Variants in CCDC196 observed in about 807,000 individuals in gnomAD.
The protein encoded by CCDC196 is coiled-coil domain-containing protein 196.
chr14:66,497,033 G>A (rs2057683079), intron 8 of CCDC196, among the ~76,000 whole-genome samples: 2 of 152,120 alleles, frequency 1.3e-5, no homozygotes, highest in Admixed American at 1.3e-4. Flanking sequence ...CCTGATGGCT[G>A]AACTACACTT....
At chr14:66,491,889 G>A (rs113458528) in intron 7 of CCDC196, among the ~76,000 whole-genome samples, 164 bp from the exon 8 acceptor site, 74 of 152,164 alleles carry the variant, frequency 4.9e-4, no homozygotes, top group African/African-American at 1.5e-3. Context: ...TCTTGATTTC[G>A]TTCTATTCTA....
In CCDC196 at chr14:66,498,030, C is replaced by T. The variant is rs575723824; in HGVS notation, c.716-79C>T. 1.4e-4 allele frequency: 56 copies of T among 398,824 alleles called. No individual in the cohort carries two copies. The East Asian group carries it at 1.9e-3, about 14-fold the overall frequency. 24.7% of individuals were successfully genotyped at this position (398,824 alleles called of 1,614,324 possible). On this transcript the variant is annotated intron_variant, in intron 8 of 9. Coordinates refer to ENST00000636229, the MANE Select transcript of CCDC196 (RefSeq NM_001351576.1). ...ATCAATGCTAATACCCACAGTGATA[C>T]AAAACAAAACAAAACTAGTGGTTTT... is the stretch of plus-strand genomic sequence containing the variant.
chr14:66,496,803 C>T (rs889341931), intron 8 of CCDC196: 1 of 160,088 alleles, frequency 6.2e-6, no homozygotes, highest in African/African-American at 2.4e-5. Context: ...TTCTCTCCTC[C>T]CCTCAATCCC....
At chr14:66,497,336 G>A (rs868568131) in intron 8 of CCDC196, among the ~76,000 whole-genome samples, 1 of 152,084 alleles carries the variant, frequency 6.6e-6, no homozygotes. Flanking sequence ...TATAAATTTT[G>A]AAGCTTGACA....
chr14:66,493,750 C>A (rs1241823675), intron 8 of CCDC196: 1 of 152,108 alleles, frequency 6.6e-6, no homozygotes, highest in African/African-American at 2.4e-5. Flanking sequence ...GCATATTTTT[C>A]TTTCAATTTA....
rs578102215 is a variant in CCDC196, at chr14:66,491,676, C to T, written c.564C>T (p.Asn188=). 2.4e-6 allele frequency: 1 copy of T among 413,888 alleles called. No homozygotes were observed. Among genetic ancestry groups the T allele is most frequent in the Admixed American group, 4.4e-5 (1 of 22,738 alleles). The allele number at this position is 413,888 out of a possible 1,614,324, so 25.6% of individuals were successfully genotyped here. A position where few individuals can be genotyped will look rare whatever the true frequency, so the allele number is the denominator to read the frequency against. The part of the protein sequence containing the change: ...MEWVKYQEQN[N]ILQNDFHGKV... Reference sequence around the variant, plus strand: ...GGGTCAAGTATCAGGAACAAAATAACATCCTTCAGGTACTAAGATCTTCCA... The same window carrying T: ...GGGTCAAGTATCAGGAACAAAATAATATCCTTCAGGTACTAAGATCTTCCA... Residue 188 remains asparagine (N), a synonymous_variant, in exon 7 of 10, where the codon AAC becomes AAT. Transcript: ENST00000636229.
At position 66,493,103 on chromosome 14, in the gene CCDC196, A is replaced by G. The variant is rs192380679; in HGVS notation, c.715+909A>G. The stretch of plus-strand genomic sequence containing the variant: ...TTTCAAAAAGGACACGAGATGGGAA[A>G]TCATGGCCAAGGGATGACAATGTTC... On this transcript the variant is annotated intron_variant, in intron 8 of 9. Transcript: ENST00000636229. Among the ~76,000 whole-genome samples, 29 of 152,300 alleles carry G rather than the reference A, an allele frequency of 1.9e-4. No homozygotes were observed. The East Asian group carries it at 5.4e-3, about 28-fold the overall frequency.
At chr14:66,496,445 T>A (rs562075127) in intron 8 of CCDC196, 40 of 449,036 alleles carry the variant, frequency 8.9e-5, no homozygotes, top group Middle Eastern at 3.4e-4. Context: ...ATTACCGTCA[T>A]CCATGTTATC....
intron 8 of CCDC196, chr14:66,492,914 T>C (rs1361118480): frequency 6.6e-6 from 1 of 152,648 alleles, no homozygotes; most frequent in East Asian, 1.9e-4. Context: ...GTGAATTTTG[T>C]CAATCCAGTT....
chr14:66,489,718 A>T (rs571160288), intron 4 of CCDC196, among the ~76,000 whole-genome samples: 4 of 152,310 alleles, frequency 2.6e-5, no homozygotes, highest in African/African-American at 9.6e-5. Context: ...CATAGTAGAG[A>T]ATCAATACAT....
In CCDC196 at chr14:66,491,030, TC is replaced by T; in HGVS notation, c.444del (p.Ser149HisfsTer18). 2.4e-6 allele frequency: 1 copy of T among 413,258 alleles called. No individual in the cohort carries two copies. The highest frequency in any genetic ancestry group is 4.4e-6 in the Non-Finnish European group (1 of 226,154). 25.6% of individuals were successfully genotyped at this position (413,258 alleles called of 1,614,324 possible). On this transcript the variant is annotated frameshift_variant, in exon 6 of 10. Coordinates refer to ENST00000636229, the MANE Select transcript of CCDC196 (RefSeq NM_001351576.1). LOFTEE classifies it high-confidence loss of function. ...TCTTCTTTCATCCCAGGCTCCCAAA[TC>T]CCCCTCATCACCTAGGAAGACTGAG... ...ADLQDGKAPK[S>X]PSSPRKTESE...
chr14:66,490,669 G>T, intron 4 of CCDC196, 73 bp from the exon 5 acceptor site: 1 of 398,266 alleles, frequency 2.5e-6, no homozygotes, highest in South Asian at 1.3e-4. Context: ...CCAAAACCTT[G>T]ACCCATATTG....
intron 9 of CCDC196, 64 bp downstream of exon 9, chr14:66,498,231 T>C (rs1232957255): frequency 2.4e-6 from 1 of 412,832 alleles, no homozygotes. Flanking sequence ...ATAGTGGGTA[T>C]AGATTTTTGG....
At chr14:66,498,081 C>T in intron 8 of CCDC196, 28 bp from the exon 9 acceptor site, 1 of 407,000 alleles carries the variant, frequency 2.5e-6, no homozygotes. Flanking sequence ...TCAAAAGAAG[C>T]TCTTATTTTC....
intron 1 of CCDC196, 38 bp downstream of exon 1, chr14:66,486,590 GTCTCTCTCTC>G (rs10569333): frequency 6.3e-6 from 2 of 315,634 alleles, no homozygotes; most frequent in East Asian, 5.6e-5. Flanking sequence ...AGAAAAGAGG[GTCTCTCTCTC>G]TCTCTCTCTC....
Position 66,488,991 on chromosome 14 carries a change from G to A in CCDC196, c.305G>A (p.Arg102Lys). 1 of 413,216 alleles carries A rather than the reference G, an allele frequency of 2.4e-6. No homozygotes were observed. The highest frequency in any genetic ancestry group is 4.4e-5 in the Admixed American group (1 of 22,706). The allele number at this position is 413,216 out of a possible 1,614,324, so 25.6% of individuals were successfully genotyped here. Residue 102 changes from arginine (R) to lysine (K), a missense_variant, in exon 4 of 10, where the codon AGG becomes AAG. By Grantham distance (26) the Arg-to-Lys change is conservative. Coordinates refer to ENST00000636229, the MANE Select transcript of CCDC196 (RefSeq NM_001351576.1). Reference sequence around the variant, plus strand: ...TGGTTCTTCCCCCTCCAACAGGAAAGGAAAAACAAGATGCTTCGGAAGGAA... The same window carrying A: ...TGGTTCTTCCCCCTCCAACAGGAAAAGAAAAACAAGATGCTTCGGAAGGAA... ...EAEEMKQNLERKNKMLRKEME... is the reference protein window; with the variant it reads ...EAEEMKQNLEKKNKMLRKEME...
chr14:66,489,116 C>T (rs770306777), intron 4 of CCDC196, 79 bp downstream of exon 4: 41 of 412,358 alleles, frequency 9.9e-5, no homozygotes, highest in Non-Finnish European at 1.6e-4. Flanking sequence ...TGGCCCCCAT[C>T]CTCATTGTTT....
intron 8 of CCDC196, among the ~76,000 whole-genome samples, chr14:66,493,397 A>G (rs1305310770): frequency 6.6e-6 from 1 of 152,208 alleles, no homozygotes; most frequent in Non-Finnish European, 1.5e-5. Flanking sequence ...CAACAAACCA[A>G]TTGCTCAGGA....
In CCDC196 at chr14:66,492,107, C is replaced by T; in HGVS notation, c.628C>T (p.Gln210Ter). The change falls in exon 8 of 10, where the codon CAG (glutamine) becomes TAG (stop). Residue 210 changes from glutamine to a stop codon, truncating the protein, a stop_gained. Coordinates refer to ENST00000636229, the MANE Select transcript of CCDC196 (RefSeq NM_001351576.1). LOFTEE classifies it high-confidence loss of function. The part of the protein sequence containing the change: ...ELRIEALKNY[Q>*]KANDLKLSLY... ...GAGAATTGAAGCCTTGAAGAACTAC[C>T]AGAAGGCCAATGACCTGAAATTATC... is the stretch of plus-strand genomic sequence containing the variant. The T allele has an allele frequency of 2.4e-6, 1 of 413,532 alleles. No individual in the cohort carries two copies. Among genetic ancestry groups the T allele is most frequent in the Non-Finnish European group, 4.4e-6 (1 of 226,174 alleles). The allele number at this position is 413,532 out of a possible 1,614,324, so 25.6% of individuals were successfully genotyped here.
Sources: allele counts gnomAD v4.1 joint callset (sites outside exome capture counted in the v4.1 genomes callset), GRCh38; gene constraint gnomAD v4.1.1; transcripts MANE v1.5; gene names NCBI Gene and HGNC (gene_info 2026-07-23, HGNC 2026-07-21).